Variants in CDK8 observed in about 807,000 individuals in gnomAD.
The protein encoded by CDK8 is cyclin-dependent kinase 8.
CDK8 carries 29 observed loss-of-function variants against 71.5 expected under a neutral mutation model. The ratio of observed to expected loss-of-function variants is 0.41; its 90% CI spans 0.30 to 0.55. CDK8 has a LOEUF of 0.55. CDK8 is among the 20% of genes least tolerant of loss of function. CDK8 has a pLI of 0.37. For missense variants in CDK8, 288 were observed against 572.6 expected, an observed-to-expected ratio of 0.50 and a Z score of 5.07; for synonymous variants, 161 against 192.1, an observed-to-expected ratio of 0.84 and a Z score of 1.34.
At chr13:26,382,734 T>C in intron 4 of CDK8, 80 bp from the exon 5 acceptor site, 1 of 793,556 alleles carries the variant, frequency 1.3e-6, no homozygotes, top group Non-Finnish European at 2.0e-6. Context: ...AAAAGGTGGA[T>C]TTGTGTTATA....
chr13:26,403,524 TCTC>T (rs1200062582), intron 12 of CDK8, among the ~76,000 whole-genome samples: 3 of 152,142 alleles, frequency 2.0e-5, no homozygotes, highest in Non-Finnish European at 2.9e-5. Context: ...TGTGATACCT[TCTC>T]CTATCATACT....
At chr13:26,265,241 G>C (rs1437180108) in intron 1 of CDK8, among the ~76,000 whole-genome samples, 2 of 152,136 alleles carry the variant, frequency 1.3e-5, no homozygotes, top group African/African-American at 4.8e-5. Context: ...ATTCAGCAGT[G>C]AACAGCCCAT....
At chr13:26,272,319 GA>G (rs965259561) in intron 1 of CDK8, among the ~76,000 whole-genome samples, 9 of 149,294 alleles carry the variant, frequency 6.0e-5, no homozygotes, top group Non-Finnish European at 8.9e-5. Flanking sequence ...TAAAGAAAAA[GA>G]AAAAAAAGTT....
intron 4 of CDK8, among the ~76,000 whole-genome samples, chr13:26,371,040 A>G (rs370546907): frequency 4.4e-4 from 67 of 152,218 alleles, no homozygotes; most frequent in African/African-American, 1.6e-3. Context: ...TGGTATAGAA[A>G]GTCCCGCAAG....
At chr13:26,399,292 G>C (rs934893369) in intron 9 of CDK8, among the ~76,000 whole-genome samples, 1 of 152,150 alleles carries the variant, frequency 6.6e-6, no homozygotes, top group South Asian at 2.1e-4. Flanking sequence ...TTACAGGTGT[G>C]AGCCACCACA....
chr13:26,360,400 T>G (rs1874081874), intron 4 of CDK8, among the ~76,000 whole-genome samples: 1 of 152,198 alleles, frequency 6.6e-6, no homozygotes, highest in Non-Finnish European at 1.5e-5. Context: ...ATCTTACTCC[T>G]TAAGCTAATT....
At chr13:26,338,732 A>G (rs569662486) in intron 2 of CDK8, among the ~76,000 whole-genome samples, 1 of 152,246 alleles carries the variant, frequency 6.6e-6, no homozygotes, top group East Asian at 1.9e-4. Flanking sequence ...CAGTTATTCA[A>G]CATCTATTCT....
intron 6 of CDK8, among the ~76,000 whole-genome samples, chr13:26,387,525 C>A (rs1875536822): frequency 6.6e-6 from 1 of 152,164 alleles, no homozygotes; most frequent in African/African-American, 2.4e-5. Context: ...AAGAGTCCTC[C>A]AACTTTTGGC....
rs114852900 is a variant in CDK8, at chr13:26,390,318, A to G, written c.647-3049A>G. On this transcript the variant is annotated intron_variant, in intron 6 of 12. Coordinates refer to ENST00000381527, the MANE Select transcript of CDK8 (RefSeq NM_001260.3). ...TTACGAAGCTACTAAGAAGGAGCAA[A>G]AGCATAGGGAAAAAAATCTGATCAG... Among the ~76,000 whole-genome samples, 1,275 of 152,284 alleles carry G rather than the reference A, an allele frequency of 8.4e-3. 18 individuals carry two copies. The highest frequency in any genetic ancestry group is 0.028 in the African/African-American group (1,163 of 41,550).
At chr13:26,276,505 T>C (rs1173696352) in intron 1 of CDK8, among the ~76,000 whole-genome samples, 2 of 152,216 alleles carry the variant, frequency 1.3e-5, no homozygotes, top group African/African-American at 4.8e-5. Flanking sequence ...AGGCAATGGA[T>C]GCAAAACAAG....
chr13:26,335,770 A>G (rs1872951451), intron 1 of CDK8, among the ~76,000 whole-genome samples: 2 of 152,140 alleles, frequency 1.3e-5, no homozygotes, highest in South Asian at 4.1e-4. Context: ...CCATTCTGCA[A>G]TAGCCATCAT....
At chr13:26,341,903 A>C (rs1488342815) in intron 2 of CDK8, among the ~76,000 whole-genome samples, 1 of 151,986 alleles carries the variant, frequency 6.6e-6, no homozygotes, top group African/African-American at 2.4e-5. Flanking sequence ...CTATTATATG[A>C]GTATCTTTAA....
At chr13:26,327,105 G>C (rs55907747) in intron 1 of CDK8, among the ~76,000 whole-genome samples, 1 of 152,086 alleles carries the variant, frequency 6.6e-6, no homozygotes, top group African/African-American at 2.4e-5. Context: ...AGTAGTTATT[G>C]TACCAGTTTT....
At chr13:26,364,746 G>T (rs1295846698) in intron 4 of CDK8, among the ~76,000 whole-genome samples, 2 of 152,116 alleles carry the variant, frequency 1.3e-5, no homozygotes, top group Admixed American at 1.3e-4. Flanking sequence ...GGTAAAGGGC[G>T]ATTGTTATTT....
At chr13:26,262,084 T>G (rs1198985177) in intron 1 of CDK8, among the ~76,000 whole-genome samples, 1 of 152,238 alleles carries the variant, frequency 6.6e-6, no homozygotes, top group Non-Finnish European at 1.5e-5. Context: ...AGGCAGCACC[T>G]TGTGCTGGAA....
Position 26,402,895 on chromosome 13 carries a change from A to G in CDK8, c.1270-1061A>G, listed in dbSNP as rs143027288. On this transcript the variant is annotated intron_variant, in intron 12 of 12. Transcript: ENST00000381527. Reference sequence around the variant, plus strand: ...GAATTTTAAAATAGTATTTGTGACTATCATTTCATGTGTCCACTCTTTTTA... The same window carrying G: ...GAATTTTAAAATAGTATTTGTGACTGTCATTTCATGTGTCCACTCTTTTTA... 3.4e-3 allele frequency among the ~76,000 whole-genome samples: 517 copies of G among 152,330 alleles called. 4 individuals carry two copies. The highest frequency in any genetic ancestry group is 0.012 in the African/African-American group (495 of 41,576).
At chr13:26,394,295 C>A (rs1875886004) in intron 7 of CDK8, among the ~76,000 whole-genome samples, 1 of 152,204 alleles carries the variant, frequency 6.6e-6, no homozygotes, top group Non-Finnish European at 1.5e-5. Flanking sequence ...ATACCTGGGA[C>A]TTTTAATTCT....
At chr13:26,394,756 A>G (rs749032673) in intron 7 of CDK8, among the ~76,000 whole-genome samples, 1 of 152,216 alleles carries the variant, frequency 6.6e-6, no homozygotes. Flanking sequence ...CAGGCAGCAG[A>G]GGTTAGATTT....
chr13:26,364,601 G>A (rs965568972), intron 4 of CDK8, among the ~76,000 whole-genome samples: 4 of 152,030 alleles, frequency 2.6e-5, no homozygotes, highest in Non-Finnish European at 5.9e-5. Context: ...ATAGTTTGTA[G>A]TTAACATACC....
Sources: allele counts gnomAD v4.1 joint callset (sites outside exome capture counted in the v4.1 genomes callset), GRCh38; gene constraint gnomAD v4.1.1; transcripts MANE v1.5; gene names NCBI Gene and HGNC (gene_info 2026-07-23, HGNC 2026-07-21).